DDX60: variants seen among roughly 807,000 people sequenced by gnomAD.
DDX60 encodes the protein probable ATP-dependent RNA helicase DDX60.
A neutral mutation model predicts 212.8 loss-of-function variants in DDX60; 165 were observed. That is an observed-to-expected ratio of 0.78 (90% CI 0.68 to 0.88). DDX60 has a LOEUF of 0.88. DDX60 is among the 40% of genes least tolerant of loss of function. The probability of loss-of-function intolerance (pLI) is 0.00; values close to 1 mark genes in which losing one functional copy is unlikely to be tolerated. For synonymous variants in DDX60, 703 were observed against 685.3 expected (o/e 1.03, Z -0.40); for missense variants, 1,905 against 2,003.9 (o/e 0.95, Z 0.94).
chr4:168,278,594 G>T (rs1222955753), intron 14 of DDX60, among the ~76,000 whole-genome samples: 3 of 152,200 alleles, frequency 2.0e-5, no homozygotes. Context: ...AAAAGCTAAG[G>T]TGGGCAGATC....
At chr4:168,271,300 T>C (rs1735086683) in intron 19 of DDX60, among the ~76,000 whole-genome samples, 1 of 152,210 alleles carries the variant, frequency 6.6e-6, no homozygotes, top group Admixed American at 6.5e-5. Flanking sequence ...AGCTGACCCA[T>C]AGACACTTCG....
chr4:168,265,742 A>G (rs941508125), intron 22 of DDX60: 3 of 151,900 alleles, frequency 2.0e-5, no homozygotes, highest in African/African-American at 7.3e-5. Flanking sequence ...TTTAAAAACT[A>G]TACTGTTTTT....
chr4:168,291,907 C>A lies in DDX60; in HGVS notation c.883-1G>T. ...GCAGGGTTAAGCAATTACTGTTCAC[C>A]TGAATAAAATAAAGAAGGTATAAGC... On this transcript the variant is annotated splice_acceptor_variant, in intron 7 of 37. Coordinates refer to ENST00000393743, the MANE Select transcript of DDX60 (RefSeq NM_017631.6). LOFTEE classifies it high-confidence loss of function. 1 of 1,602,450 alleles carries A rather than the reference C, an allele frequency of 6.2e-7. No individual in the cohort carries two copies. Among genetic ancestry groups the A allele is most frequent in the Non-Finnish European group, 8.5e-7 (1 of 1,175,646 alleles).
At chr4:168,269,336 C>G (rs566430282) in intron 19 of DDX60, among the ~76,000 whole-genome samples, 38 of 152,268 alleles carry the variant, frequency 2.5e-4, no homozygotes, top group African/African-American at 9.1e-4. Context: ...CGGTGGCTCA[C>G]GCCTGTAATC....
chr4:168,271,321 T>C (rs1172270897), intron 19 of DDX60, among the ~76,000 whole-genome samples: 1 of 152,230 alleles, frequency 6.6e-6, no homozygotes, highest in Non-Finnish European at 1.5e-5. Flanking sequence ...TCAAAAGGAC[T>C]CTTATGATTT....
chr4:168,234,611 TTATAATCCTTA>T (rs1733568244), intron 33 of DDX60, among the ~76,000 whole-genome samples: 1 of 152,118 alleles, frequency 6.6e-6, no homozygotes, highest in Admixed American at 6.6e-5. Context: ...TTAATCACAC[TTATAATCCTTA>T]TATGTTAATG....
At chr4:168,316,507 G>T (rs116157346) in intron 1 of DDX60, among the ~76,000 whole-genome samples, 2,840 of 152,126 alleles carry the variant, frequency 0.019, 102 homozygotes, top group African/African-American at 0.065. Flanking sequence ...TCCAGCAATA[G>T]CATCTGAAGA....
chr4:168,251,332 G>C (rs962708308), intron 27 of DDX60, among the ~76,000 whole-genome samples: 12 of 152,126 alleles, frequency 7.9e-5, no homozygotes, highest in African/African-American at 2.9e-4. Context: ...TCCACTTCTG[G>C]GGCAGAAAAT....
In DDX60 at chr4:168,217,008, T is replaced by G. The variant is rs2149488018; in HGVS notation, c.5064A>C (p.Glu1688Asp). 6.2e-7 allele frequency: 1 copy of G among 1,606,140 alleles called. No individual in the cohort carries two copies. The highest frequency in any genetic ancestry group is 2.2e-5 in the East Asian group (1 of 44,448). Residue 1688 changes from glutamate to aspartate, a missense_variant, in exon 38 of 38, where the codon GAA becomes GAC. By Grantham distance (45) the Glu-to-Asp change is conservative. Transcript: ENST00000393743. ...CTAAGACAACGTTGTCGTCTTCATTTTCACATAGCTCACGCAAGGAAACAC... is the reference window on the plus strand; with the variant it reads ...CTAAGACAACGTTGTCGTCTTCATTGTCACATAGCTCACGCAAGGAAACAC... Reference protein sequence around the residue: ...SISVSLRELCENEDDNVVLAF... With the variant: ...SISVSLRELCDNEDDNVVLAF...
At chr4:168,239,441 T>C (rs960196054) in intron 30 of DDX60, among the ~76,000 whole-genome samples, 2 of 151,950 alleles carry the variant, frequency 1.3e-5, no homozygotes, top group African/African-American at 4.8e-5. Context: ...GAAATATAGA[T>C]GATAGACATA....
intron 5 of DDX60, among the ~76,000 whole-genome samples, chr4:168,303,114 A>G (rs1334654389): frequency 1.3e-5 from 2 of 152,142 alleles, no homozygotes; most frequent in Admixed American, 6.5e-5. Flanking sequence ...CATCCTGGCT[A>G]ACACGGTGAA....
chr4:168,324,538 A>G, the DDX60 span, among the ~76,000 whole-genome samples: 34 of 152,348 alleles, frequency 2.2e-4, no homozygotes, highest in East Asian at 6.6e-3. Context: ...AAGTAAAAGC[A>G]TCAGCGAGAT....
chr4:168,308,288 C>G (rs943710381), intron 3 of DDX60, 93 bp from the exon 4 acceptor site: 1 of 737,258 alleles, frequency 1.4e-6, no homozygotes, highest in African/African-American at 1.8e-5. Flanking sequence ...TCATTATCAT[C>G]AATAGCTAAA....
chr4:168,260,034 A>C (rs1233105923), intron 25 of DDX60, among the ~76,000 whole-genome samples: 2 of 151,506 alleles, frequency 1.3e-5, no homozygotes, highest in Non-Finnish European at 2.9e-5. Context: ...AAACTAAATA[A>C]AGAAGGTAAT....
At chr4:168,288,558 G>T (rs1463583757) in intron 8 of DDX60, among the ~76,000 whole-genome samples, 1 of 152,164 alleles carries the variant, frequency 6.6e-6, no homozygotes, top group Non-Finnish European at 1.5e-5. Context: ...AAGGAAATCT[G>T]CATTTGACTC....
chr4:168,271,924 C>A (rs886113841), intron 19 of DDX60, 119 bp downstream of exon 19: 10 of 741,728 alleles, frequency 1.3e-5, no homozygotes, highest in Admixed American at 8.9e-5. Flanking sequence ...GAAAAAAAAA[C>A]GGAGGCCTTC....
intron 25 of DDX60, among the ~76,000 whole-genome samples, chr4:168,258,610 C>T (rs1270099762): frequency 6.6e-6 from 1 of 152,094 alleles, no homozygotes; most frequent in Non-Finnish European, 1.5e-5. Context: ...ATTCAAGAGT[C>T]ATATAAACAT....
intron 26 of DDX60, among the ~76,000 whole-genome samples, chr4:168,253,721 G>C (rs1560829683): frequency 6.6e-6 from 1 of 152,060 alleles, no homozygotes; most frequent in Non-Finnish European, 1.5e-5. Flanking sequence ...TCCCTCATGA[G>C]CACACACCTT....
chr4:168,221,300 T>A (rs551116044), intron 36 of DDX60, among the ~76,000 whole-genome samples: 6 of 152,148 alleles, frequency 3.9e-5, no homozygotes, highest in African/African-American at 1.4e-4. Context: ...TTTTTGAAAA[T>A]GTTTTTCCTG....
Sources: allele counts gnomAD v4.1 joint callset (sites outside exome capture counted in the v4.1 genomes callset), GRCh38; gene constraint gnomAD v4.1.1; transcripts MANE v1.5; gene names NCBI Gene and HGNC (gene_info 2026-07-23, HGNC 2026-07-21).